Variants in ITGA9 observed in about 807,000 individuals in gnomAD.
ITGA9 encodes integrin alpha-9.
A neutral mutation model predicts 127.8 loss-of-function variants in ITGA9; 56 were observed. The ratio of observed to expected loss-of-function variants is 0.44; its 90% confidence interval spans 0.35 to 0.55. The LOEUF is 0.55. ITGA9 is among the 20% of genes least tolerant of loss of function. The pLI, the probability that ITGA9 is intolerant of heterozygous loss-of-function variation, is 0.00. For missense variants in ITGA9, 1,196 were observed against 1,347.1 expected (o/e 0.89, Z 1.76); for synonymous variants, 508 against 514.5 (o/e 0.99, Z 0.17).
Position 37,773,758 on chromosome 3 carries a change from A to G in ITGA9, c.2542-3634A>G, listed in dbSNP as rs143468878. On this transcript the variant is annotated intron_variant, in intron 23 of 27. Transcript: ENST00000264741. ...AGTTACTGGGTGACATAATTCATCA[A>G]ACTGCACCCTTTAGATCTGTGGATT... is the stretch of plus-strand genomic sequence containing the variant. 2.8e-3 allele frequency among the ~76,000 whole-genome samples: 424 copies of G among 152,288 alleles called. 2 individuals carry two copies. The highest frequency in any genetic ancestry group is 4.9e-3 in the Non-Finnish European group (331 of 68,028).
At chr3:37,689,753 G>A (rs1306397985) in intron 18 of ITGA9, among the ~76,000 whole-genome samples, 16 of 152,210 alleles carry the variant, frequency 1.1e-4, no homozygotes, top group Non-Finnish European at 1.5e-5. Flanking sequence ...TGGAGTCAAG[G>A]TAAAGCCTCA....
chr3:37,669,777 T>G (rs1313360164), intron 17 of ITGA9, among the ~76,000 whole-genome samples: 1 of 152,242 alleles, frequency 6.6e-6, no homozygotes, highest in Non-Finnish European at 1.5e-5. Context: ...GGGGACTTTG[T>G]GTCTTTAGAG....
At chr3:37,535,525 G>A (rs1699199476) in intron 14 of ITGA9, among the ~76,000 whole-genome samples, 1 of 152,194 alleles carries the variant, frequency 6.6e-6, no homozygotes, top group African/African-American at 2.4e-5. Context: ...CTTAGCCATA[G>A]CCCCAGAAGT....
At chr3:37,686,411 A>T (rs1304173834) in intron 18 of ITGA9, among the ~76,000 whole-genome samples, 2 of 151,944 alleles carry the variant, frequency 1.3e-5, no homozygotes, top group Non-Finnish European at 2.9e-5. Flanking sequence ...ATCATTTTCT[A>T]CCCCTGTATC....
chr3:37,618,668 C>T (rs967479586), intron 15 of ITGA9, among the ~76,000 whole-genome samples: 11 of 152,242 alleles, frequency 7.2e-5, no homozygotes, highest in African/African-American at 1.9e-4. Flanking sequence ...ATGGTGGGCG[C>T]CCCTCCCCCA....
chr3:37,641,055 G>T (rs1048868039), intron 16 of ITGA9, among the ~76,000 whole-genome samples: 2 of 152,150 alleles, frequency 1.3e-5, no homozygotes, highest in African/African-American at 4.8e-5. Flanking sequence ...CCTCTGAGGG[G>T]GGTCCCGTCT....
chr3:37,516,033 T>C (rs768618897), intron 9 of ITGA9, among the ~76,000 whole-genome samples: 1 of 152,170 alleles, frequency 6.6e-6, no homozygotes, highest in African/African-American at 2.4e-5. Context: ...ATGAGTGCTG[T>C]GGGCATTCAG....
chr3:37,525,976 G>T, intron 12 of ITGA9, 50 bp from the exon 13 acceptor site: 3 of 1,553,894 alleles, frequency 1.9e-6, no homozygotes, highest in South Asian at 1.1e-5. Flanking sequence ...GGGCGCGGTT[G>T]TGTATGGGCT....
intron 26 of ITGA9, chr3:37,790,099 A>G: frequency 7.2e-6 from 4 of 555,554 alleles, no homozygotes; most frequent in South Asian, 2.8e-5. Context: ...TGCTTCTACA[A>G]TGGAAATTTT....
chr3:37,782,398 T>G (rs1218933362), intron 25 of ITGA9, among the ~76,000 whole-genome samples: 3 of 152,192 alleles, frequency 2.0e-5, no homozygotes, highest in Non-Finnish European at 2.9e-5. Context: ...GTGGTGACCC[T>G]TTGCCAAGGA....
At chr3:37,568,628 A>G (rs989727439) in intron 15 of ITGA9, among the ~76,000 whole-genome samples, 4 of 152,208 alleles carry the variant, frequency 2.6e-5, no homozygotes, top group Non-Finnish European at 4.4e-5. Flanking sequence ...TTCTTCCACC[A>G]GATACCCTAA....
At chr3:37,796,222 C>T (rs1327707484) in intron 26 of ITGA9, among the ~76,000 whole-genome samples, 1 of 152,154 alleles carries the variant, frequency 6.6e-6, no homozygotes, top group East Asian at 1.9e-4. Flanking sequence ...CTTTCACCTT[C>T]AGCTCAAATG....
intron 15 of ITGA9, among the ~76,000 whole-genome samples, chr3:37,596,494 AG>A (rs960522890): frequency 1.3e-5 from 2 of 152,204 alleles, no homozygotes; most frequent in African/African-American, 4.8e-5. Flanking sequence ...CTAGCTCCTG[AG>A]AGCTAGCCTG....
At chr3:37,760,610 A>C (rs571193608) in intron 23 of ITGA9, among the ~76,000 whole-genome samples, 1 of 152,350 alleles carries the variant, frequency 6.6e-6, no homozygotes, top group South Asian at 2.1e-4. Context: ...ATATGAAGAC[A>C]ATTGGCTATC....
chr3:37,625,195 G>A (rs1201842327), intron 15 of ITGA9, among the ~76,000 whole-genome samples: 1 of 152,164 alleles, frequency 6.6e-6, no homozygotes, highest in Non-Finnish European at 1.5e-5. Context: ...CCTCTGGGAA[G>A]CCTGCCAGCC....
At chr3:37,577,801 G>A (rs1164237613) in intron 15 of ITGA9, among the ~76,000 whole-genome samples, 1 of 152,224 alleles carries the variant, frequency 6.6e-6, no homozygotes, top group African/African-American at 2.4e-5. Context: ...AATTTAAGTA[G>A]ATTTGTGGAA....
chr3:37,555,193 A>G (rs1398365996), intron 15 of ITGA9, among the ~76,000 whole-genome samples: 1 of 152,198 alleles, frequency 6.6e-6, no homozygotes, highest in Non-Finnish European at 1.5e-5. Flanking sequence ...AGGCCCCTGT[A>G]AAGAGCCTCC....
chr3:37,530,717 G>GTTTTTTTTT (rs71094916), intron 13 of ITGA9, among the ~76,000 whole-genome samples: 3 of 86,254 alleles, frequency 3.5e-5, no homozygotes, highest in Admixed American at 1.5e-4. Flanking sequence ...CAGCTACCAG[G>GTTTTTTTTT]TTTTTTTTTT....
chr3:37,640,835 A>G (rs549428255), intron 16 of ITGA9, among the ~76,000 whole-genome samples: 136 of 152,220 alleles, frequency 8.9e-4, no homozygotes, highest in African/African-American at 3.2e-3. Context: ...TGGGGGTGCC[A>G]TCGGCTGCTC....
Sources: allele counts gnomAD v4.1 joint callset (sites outside exome capture counted in the v4.1 genomes callset), GRCh38; gene constraint gnomAD v4.1.1; transcripts MANE v1.5; gene names NCBI Gene and HGNC (gene_info 2026-07-23, HGNC 2026-07-21).